Variants in DAW1 observed in about 807,000 individuals in gnomAD.
DAW1 encodes the protein dynein assembly factor with WD repeats 1.
In DAW1, 47 loss-of-function variants were observed where a neutral mutation model predicts 56.5. That is an observed-to-expected ratio of 0.83 (90% CI 0.66 to 1.06). DAW1 has a LOEUF of 1.06. Ranked by LOEUF, DAW1 falls within the 50% of genes least tolerant of loss-of-function variation. DAW1 has a pLI of 0.00. For missense variants in DAW1, 505 were observed against 499.3 expected (o/e 1.01, Z -0.11); for synonymous variants, 190 against 179.0 (o/e 1.06, Z -0.49).
intron 4 of DAW1, among the ~76,000 whole-genome samples, chr2:227,892,433 C>T (rs1351360159): frequency 2.6e-5 from 4 of 152,162 alleles, no homozygotes; most frequent in Non-Finnish European, 4.4e-5. Context: ...CACGCCCAGC[C>T]GTAACTTAAC....
chr2:227,908,797 A>C (rs1394485218), intron 10 of DAW1, among the ~76,000 whole-genome samples: 1 of 152,140 alleles, frequency 6.6e-6, no homozygotes. Context: ...TGCTATACTA[A>C]GTCTATGTCA....
intron 8 of DAW1, among the ~76,000 whole-genome samples, chr2:227,905,811 G>C (rs1457690036): frequency 1.3e-5 from 2 of 152,234 alleles, no homozygotes; most frequent in Non-Finnish European, 2.9e-5. Flanking sequence ...CTGGAGTGCA[G>C]TGGCGTGATC....
At chr2:227,915,954 C>A (rs1691944723) in intron 10 of DAW1, among the ~76,000 whole-genome samples, 1 of 152,108 alleles carries the variant, frequency 6.6e-6, no homozygotes, top group Non-Finnish European at 1.5e-5. Context: ...TTTGTGCCAT[C>A]ACCTTGAAAG....
At chr2:227,874,362 T>C (rs1183186356) in intron 1 of DAW1, among the ~76,000 whole-genome samples, 1 of 152,148 alleles carries the variant, frequency 6.6e-6, no homozygotes, top group African/African-American at 2.4e-5. Context: ...GTAGAGAAAA[T>C]TTTTGGAAGA....
intron 1 of DAW1, among the ~76,000 whole-genome samples, chr2:227,880,730 C>T (rs12151451): frequency 0.48 from 73,549 of 152,088 alleles, 18,003 homozygotes; most frequent in Admixed American, 0.58. Flanking sequence ...GAAAAATTCC[C>T]TCTGAGAGAT....
chr2:227,885,724 G>A (rs796873458), intron 2 of DAW1, among the ~76,000 whole-genome samples: 7 of 152,194 alleles, frequency 4.6e-5, no homozygotes, highest in African/African-American at 1.7e-4. Context: ...CGATTCCCCT[G>A]ATGTTAACAT....
intron 3 of DAW1, among the ~76,000 whole-genome samples, chr2:227,890,505 T>G (rs1350625873): frequency 1.3e-5 from 2 of 152,242 alleles, no homozygotes; most frequent in African/African-American, 4.8e-5. Context: ...GGAAAGCTTT[T>G]AATTTTCCTT....
chr2:227,916,958 A>G (rs1036232482), intron 10 of DAW1, among the ~76,000 whole-genome samples: 2 of 152,166 alleles, frequency 1.3e-5, no homozygotes, highest in Non-Finnish European at 2.9e-5. Flanking sequence ...CTATGTCTGT[A>G]TAATCTCCTT....
chr2:227,893,804 A>C lies in DAW1; in HGVS notation c.327A>C (p.Thr109=). ...ATATTCCTTGTGTTAGCTTTATCAC[A>C]GGAAGCTATGATCGGACGTGCAAGC... is the stretch of plus-strand genomic sequence containing the variant. The part of the protein sequence containing the change: ...ALNKSGSCFI[T]GSYDRTCKLW... The change falls in exon 5 of 13, where the codon ACA becomes ACC. Residue 109 remains threonine (T), a synonymous_variant. Transcript: ENST00000309931. The C allele has an allele frequency of 1.2e-6, 2 of 1,611,932 alleles. No individual in the cohort carries two copies.
chr2:227,901,926 T>C (rs1691555837), intron 6 of DAW1, among the ~76,000 whole-genome samples: 1 of 152,046 alleles, frequency 6.6e-6, no homozygotes, highest in African/African-American at 2.4e-5. Context: ...GGGAAGGGGT[T>C]CTTAGAATGG....
chr2:227,918,949 C>T (rs1574674854), intron 11 of DAW1, 93 bp downstream of exon 11: 1 of 1,260,200 alleles, frequency 7.9e-7, no homozygotes, highest in Non-Finnish European at 1.1e-6. Context: ...AATCCCAGCA[C>T]TTTGAGAGGA....
At chr2:227,897,298 A>G (rs16825803) in intron 5 of DAW1, among the ~76,000 whole-genome samples, 2,152 of 152,136 alleles carry the variant, frequency 0.014, 41 homozygotes, top group African/African-American at 0.049. Flanking sequence ...ACTTTGCTTT[A>G]GTCTGAGAGA....
intron 1 of DAW1, among the ~76,000 whole-genome samples, chr2:227,873,909 C>A (rs549029089): frequency 1.3e-5 from 2 of 152,120 alleles, no homozygotes; most frequent in Non-Finnish European, 2.9e-5. Context: ...TTGAATTCCT[C>A]ACCTCAAGTG....
At chr2:227,879,038 G>A (rs886678892) in intron 1 of DAW1, among the ~76,000 whole-genome samples, 7 of 151,802 alleles carry the variant, frequency 4.6e-5, no homozygotes, top group East Asian at 1.9e-4. Flanking sequence ...TGCCCGCCTC[G>A]GCCTCCCAAA....
In DAW1 at chr2:227,923,928, T is replaced by C. The variant is rs375330603; in HGVS notation, c.1214-6T>C. ...AAAAATAACTGCATGAAATCTGTTT[T>C]ATTAGGCAGCAAGGATAATACCTGT... On this transcript the variant is annotated splice_polypyrimidine_tract_variant and splice_region_variant and intron_variant, in intron 12 of 12. Coordinates refer to ENST00000309931, the MANE Select transcript of DAW1 (RefSeq NM_178821.3). 7.4e-6 allele frequency: 12 copies of C among 1,613,832 alleles called. No individual in the cohort carries two copies. In the African/African-American group the frequency reaches 1.5e-4, roughly 20 times the overall value.
chr2:227,883,453 A>C (rs1396847672), intron 1 of DAW1, among the ~76,000 whole-genome samples: 1 of 152,264 alleles, frequency 6.6e-6, no homozygotes, highest in Non-Finnish European at 1.5e-5. Flanking sequence ...TAAAAGATCC[A>C]TCAAAAGTGT....
Position 227,871,866 on chromosome 2 carries a change from A to G in DAW1, c.40+137A>G, listed in dbSNP as rs1377356842. Reference sequence around the variant, plus strand: ...GGGGCAGGAAGTCGGGCACTTCCCAACCTGTGCCCCTCATTCCTTCAGATG... The same window carrying G: ...GGGGCAGGAAGTCGGGCACTTCCCAGCCTGTGCCCCTCATTCCTTCAGATG... On this transcript the variant is annotated intron_variant, in intron 1 of 12. Transcript: ENST00000309931. 5 of 1,034,302 alleles carry G rather than the reference A, an allele frequency of 4.8e-6. 1 individual carries two copies. Among genetic ancestry groups the G allele is most frequent in the Non-Finnish European group, 4.3e-6 (3 of 696,172 alleles). The allele number at this position is 1,034,302 out of a possible 1,614,324, so 64.1% of individuals were successfully genotyped here.
Position 227,907,188 on chromosome 2 carries a change from T to A in DAW1, c.909T>A (p.Asp303Glu). Residue 303 changes from aspartate to glutamate, a missense_variant, in exon 10 of 13, where the codon GAT (aspartate) becomes GAA (glutamate). Physicochemically the swap from Asp to Glu is conservative, Grantham distance 45 (BLOSUM62 2). Transcript: ENST00000309931. The part of the protein sequence containing the change: ...GKCVATLTGH[D>E]DEILDSCFDY... Reference sequence around the variant, plus strand: ...GTGTGGCAACCTTAACAGGCCATGATGATGAAATACTAGACAGCTGCTTTG... The same window carrying A: ...GTGTGGCAACCTTAACAGGCCATGAAGATGAAATACTAGACAGCTGCTTTG... 2 of 1,613,896 alleles carry A rather than the reference T, an allele frequency of 1.2e-6. No individual in the cohort carries two copies. Among genetic ancestry groups the A allele is most frequent in the Non-Finnish European group, 8.5e-7 (1 of 1,179,948 alleles).
intron 12 of DAW1, among the ~76,000 whole-genome samples, chr2:227,922,763 G>A (rs1320308187): frequency 6.6e-6 from 1 of 152,100 alleles, no homozygotes; most frequent in Non-Finnish European, 1.5e-5. Flanking sequence ...CAAAATCTTT[G>A]GGCTTATGAT....
Sources: allele counts gnomAD v4.1 joint callset (sites outside exome capture counted in the v4.1 genomes callset), GRCh38; gene constraint gnomAD v4.1.1; transcripts MANE v1.5; gene names NCBI Gene and HGNC (gene_info 2026-07-23, HGNC 2026-07-21).